Variants in NALF1 observed in about 807,000 individuals in gnomAD.
NALF1 encodes the protein NALCN channel auxiliary factor 1.
In NALF1, 3 loss-of-function variants were observed where a neutral mutation model predicts 48.4. The observed-to-expected ratio is 0.06, with a 90% CI of 0.03 to 0.16. The LOEUF is 0.16. Ranked by LOEUF, NALF1 falls within the 10% of genes least tolerant of loss-of-function variation. NALF1 has a pLI of 1.00. For missense variants in NALF1, 526 were observed against 571.5 expected, an observed-to-expected ratio of 0.92 and a Z score of 0.81; for synonymous variants, 262 against 245.7, an observed-to-expected ratio of 1.07 and a Z score of -0.62.
At chr13:107,794,201 C>G (rs538762837) in intron 1 of NALF1, among the ~76,000 whole-genome samples, 42 of 152,282 alleles carry the variant, frequency 2.8e-4, no homozygotes, top group African/African-American at 9.9e-4. Flanking sequence ...GTTCTATGCC[C>G]TTGGAAATGA....
intron 1 of NALF1, among the ~76,000 whole-genome samples, chr13:107,450,029 G>A (rs1013617785): frequency 6.6e-6 from 1 of 152,084 alleles, no homozygotes; most frequent in African/African-American, 2.4e-5. Context: ...GGATAAACGG[G>A]TGATATATAT....
chr13:107,863,555 T>C (rs1227349088), intron 1 of NALF1, among the ~76,000 whole-genome samples: 1 of 152,202 alleles, frequency 6.6e-6, no homozygotes, highest in Admixed American at 6.5e-5. Context: ...TAATTCTCCA[T>C]TGCGGTGATA....
intron 1 of NALF1, among the ~76,000 whole-genome samples, chr13:107,663,694 A>G (rs1880785254): frequency 6.6e-6 from 1 of 152,180 alleles, no homozygotes; most frequent in Non-Finnish European, 1.5e-5. Context: ...ATACAAACTG[A>G]TCTTGACAAT....
intron 1 of NALF1, among the ~76,000 whole-genome samples, chr13:107,681,820 T>C (rs2138496449): frequency 6.6e-6 from 1 of 152,258 alleles, no homozygotes; most frequent in African/African-American, 2.4e-5. Context: ...AAGCCTCAAC[T>C]ATTTATAGAT....
chr13:107,484,097 CA>C (rs1365923925), intron 1 of NALF1, among the ~76,000 whole-genome samples: 3 of 151,942 alleles, frequency 2.0e-5, no homozygotes, highest in Non-Finnish European at 4.4e-5. Context: ...TCCACCAGAT[CA>C]CTATAGCACA....
intron 1 of NALF1, among the ~76,000 whole-genome samples, chr13:107,804,775 G>C (rs1442808683): frequency 6.6e-6 from 1 of 152,160 alleles, no homozygotes; most frequent in East Asian, 1.9e-4. Flanking sequence ...AAAGATTGTG[G>C]TGTAATGAAC....
chr13:107,439,782 C>T lies in NALF1; in HGVS notation c.916-229027G>A, dbSNP rs114764981. On this transcript the variant is annotated intron_variant, in intron 1 of 2. Transcript: ENST00000375915. Reference sequence around the variant, plus strand: ...CACTTCTTTGTCTTCTGACAATAAACCACCTTCACAGTGACACTAAGTTTT... The same window carrying T: ...CACTTCTTTGTCTTCTGACAATAAATCACCTTCACAGTGACACTAAGTTTT... 4.1e-3 allele frequency among the ~76,000 whole-genome samples: 619 copies of T among 152,274 alleles called. 9 individuals are homozygous for T. Among genetic ancestry groups the T allele is most frequent in the African/African-American group, 0.013 (535 of 41,558 alleles).
chr13:107,470,807 C>G (rs748041145), intron 1 of NALF1, among the ~76,000 whole-genome samples: 1 of 151,958 alleles, frequency 6.6e-6, no homozygotes, highest in Non-Finnish European at 1.5e-5. Flanking sequence ...TAATATAATA[C>G]ACATATACAT....
chr13:107,213,230 C>CCAAAA (rs774774799), intron 1 of NALF1, among the ~76,000 whole-genome samples: 5 of 103,382 alleles, frequency 4.8e-5, no homozygotes, highest in African/African-American at 1.9e-4. Flanking sequence ...TTTTTTAACT[C>CCAAAA]AAAAAAAAAA....
chr13:107,371,456 A>AT (rs1883247162), intron 1 of NALF1, among the ~76,000 whole-genome samples: 1 of 113,910 alleles, frequency 8.8e-6, no homozygotes, highest in Non-Finnish European at 1.9e-5. Context: ...AAAAATAAAA[A>AT]TAAAATAAAT....
intron 1 of NALF1, among the ~76,000 whole-genome samples, chr13:107,745,070 A>T (rs1876747935): frequency 6.6e-6 from 1 of 152,230 alleles, no homozygotes; most frequent in African/African-American, 2.4e-5. Context: ...AGCAAACATG[A>T]TCGAATAGAT....
At chr13:107,350,112 T>C (rs1171127797) in intron 1 of NALF1, among the ~76,000 whole-genome samples, 1 of 152,194 alleles carries the variant, frequency 6.6e-6, no homozygotes, top group African/African-American at 2.4e-5. Flanking sequence ...TAATGCTCCA[T>C]AGCCTGCTGC....
intron 1 of NALF1, among the ~76,000 whole-genome samples, chr13:107,364,963 TCC>T (rs1436440402): frequency 1.7e-5 from 1 of 60,248 alleles, no homozygotes; most frequent in Non-Finnish European, 2.9e-5. Flanking sequence ...ATTTTCTCTC[TCC>T]CTCTCCCCCT....
chr13:107,587,361 T>A (rs914450849), intron 1 of NALF1, among the ~76,000 whole-genome samples: 1 of 152,158 alleles, frequency 6.6e-6, no homozygotes, highest in African/African-American at 2.4e-5. Context: ...TTTATCAGTG[T>A]ACAAATACAC....
At chr13:107,845,997 A>T (rs1316464699) in intron 1 of NALF1, among the ~76,000 whole-genome samples, 1 of 152,178 alleles carries the variant, frequency 6.6e-6, no homozygotes, top group African/African-American at 2.4e-5. Context: ...CAAAAAAAAT[A>T]GTACCAATCA....
intron 1 of NALF1, among the ~76,000 whole-genome samples, chr13:107,660,343 G>A (rs1880694370): frequency 6.6e-6 from 1 of 151,254 alleles, no homozygotes; most frequent in African/African-American, 2.4e-5. Flanking sequence ...GCTGAGGCAG[G>A]AGAATTGCTT....
At chr13:107,690,058 T>C (rs1303943037) in intron 1 of NALF1, among the ~76,000 whole-genome samples, 1 of 152,216 alleles carries the variant, frequency 6.6e-6, no homozygotes, top group East Asian at 1.9e-4. Context: ...ATTTAGCCGA[T>C]TTAACACTTA....
At chr13:107,223,051 T>C (rs888421765) in intron 1 of NALF1, among the ~76,000 whole-genome samples, 2 of 152,170 alleles carry the variant, frequency 1.3e-5, no homozygotes, top group Non-Finnish European at 2.9e-5. Flanking sequence ...GCAATAGAAA[T>C]TGGGCTAATA....
intron 1 of NALF1, among the ~76,000 whole-genome samples, chr13:107,491,185 G>A (rs1875094955): frequency 6.6e-6 from 1 of 152,166 alleles, no homozygotes; most frequent in South Asian, 2.1e-4. Context: ...TGAAAGGATG[G>A]TTGTTCAGGT....
Sources: allele counts gnomAD v4.1 joint callset (sites outside exome capture counted in the v4.1 genomes callset), GRCh38; gene constraint gnomAD v4.1.1; transcripts MANE v1.5; gene names NCBI Gene and HGNC (gene_info 2026-07-23, HGNC 2026-07-21).